Variants in ANK2 observed in about 807,000 individuals in gnomAD.
The protein encoded by ANK2 is ankyrin-2.
In ANK2, 83 loss-of-function variants were observed where a neutral mutation model predicts 360.5. The ratio of observed to expected loss-of-function variants is 0.23; its 90% CI spans 0.19 to 0.28. The LOEUF is 0.28. Ranked by LOEUF, ANK2 falls within the 10% of genes least tolerant of loss-of-function variation. ANK2 has a pLI of 1.00. For synonymous variants in ANK2, 1,740 were observed against 1,759.5 expected (o/e 0.99, Z 0.28); for missense variants, 4,201 against 4,795.7 (o/e 0.88, Z 3.66).
intron 4 of ANK2, among the ~76,000 whole-genome samples, chr4:113,212,270 T>C (rs1172668390): frequency 6.6e-6 from 1 of 152,212 alleles, no homozygotes; most frequent in Non-Finnish European, 1.5e-5. Context: ...CAATTACTAA[T>C]AACTTTTTTT....
intron 1 of ANK2, among the ~76,000 whole-genome samples, chr4:113,090,730 C>T (rs572380313): frequency 1.3e-5 from 2 of 152,260 alleles, no homozygotes; most frequent in African/African-American, 2.4e-5. Flanking sequence ...ATTCTAGCTT[C>T]GTGATAAAAG....
chr4:113,330,905 A>T (rs2092279672), intron 27 of ANK2, among the ~76,000 whole-genome samples: 1 of 152,242 alleles, frequency 6.6e-6, no homozygotes, highest in Admixed American at 6.5e-5. Context: ...GCCTTTACAG[A>T]ATACCTACAA....
At position 113,355,879 on chromosome 4, in the gene ANK2, C is replaced by T. The variant is rs755966886; in HGVS notation, c.7261C>T (p.Leu2421Phe). The change falls in exon 38 of 46, where the codon CTC becomes TTC. Residue 2421 changes from leucine (L) to phenylalanine (F), a missense_variant. By Grantham distance (22) the Leu-to-Phe change is conservative (BLOSUM62 0). Coordinates refer to ENST00000357077, the MANE Select transcript of ANK2 (RefSeq NM_001148.6). The stretch of plus-strand genomic sequence containing the variant: ...ACTCCCTAGCCGAGATAGCGAAGTC[C>T]TCAGCGCTGTGGCTGATGACTCATT... ...LALPSRDSEV[L>F]SAVADDSLAV... The T allele has an allele frequency of 6.2e-7, 1 of 1,613,958 alleles. No homozygotes were observed. The highest frequency in any genetic ancestry group is 1.3e-5 in the African/African-American group (1 of 74,926).
At chr4:113,280,053 T>C (rs926846044) in intron 17 of ANK2, among the ~76,000 whole-genome samples, 1 of 152,180 alleles carries the variant, frequency 6.6e-6, no homozygotes, top group Admixed American at 6.6e-5. Context: ...AAAATATACC[T>C]GCTCACTTAA....
chr4:112,926,754 C>T (rs1338063370), intron 2 of ANK2, among the ~76,000 whole-genome samples: 2 of 152,186 alleles, frequency 1.3e-5, no homozygotes, highest in African/African-American at 4.8e-5. Context: ...TAATCCCAAA[C>T]ATTAAATTTT....
intron 1 of ANK2, among the ~76,000 whole-genome samples, chr4:113,163,964 T>C (rs2097658712): frequency 6.6e-6 from 1 of 152,122 alleles, no homozygotes; most frequent in East Asian, 1.9e-4. Flanking sequence ...ATAGTCATTC[T>C]CCATTTCTCT....
At chr4:112,771,123 T>G in the ANK2 span, among the ~76,000 whole-genome samples, 54,945 of 152,096 alleles carry the variant, frequency 0.36, 10,231 homozygotes, top group East Asian at 0.62. Flanking sequence ...TTTATTATTT[T>G]TTTTTCACGA....
chr4:113,275,147 A>G (rs919424366), intron 15 of ANK2, among the ~76,000 whole-genome samples: 1 of 152,160 alleles, frequency 6.6e-6, no homozygotes, highest in Non-Finnish European at 1.5e-5. Flanking sequence ...TTAGTTTCCA[A>G]CTTTACCAAC....
the ANK2 span, chr4:112,738,776 G>C: frequency 1.6e-6 from 1 of 622,282 alleles, no homozygotes; most frequent in South Asian, 1.4e-5. Flanking sequence ...AGCGTAACTG[G>C]TGGAAACCCA....
chr4:113,124,341 C>T (rs1209551317), intron 1 of ANK2, among the ~76,000 whole-genome samples: 2 of 152,164 alleles, frequency 1.3e-5, no homozygotes, highest in Non-Finnish European at 2.9e-5. Flanking sequence ...TTTGATAGAT[C>T]TTTTCAAAAT....
At chr4:112,855,322 C>G (rs912498723) in intron 1 of ANK2, among the ~76,000 whole-genome samples, 1 of 152,190 alleles carries the variant, frequency 6.6e-6, no homozygotes, top group African/African-American at 2.4e-5. Context: ...CACTTCTGCT[C>G]TATTGTCTTT....
At chr4:113,196,492 T>C (rs563299702) in intron 3 of ANK2, 26 bp downstream of exon 3, 1 of 1,584,648 alleles carries the variant, frequency 6.3e-7, no homozygotes, top group African/African-American at 1.3e-5. Flanking sequence ...GTAGAACATT[T>C]TTTTCCTTAG....
At chr4:113,186,557 C>CGT (rs1402375112) in intron 2 of ANK2, among the ~76,000 whole-genome samples, 3 of 95,904 alleles carry the variant, frequency 3.1e-5, no homozygotes, top group Admixed American at 9.1e-5. Flanking sequence ...GATATCTTCC[C>CGT]GTGTCTCTCT....
chr4:113,176,769 T>A (rs1392059685), intron 2 of ANK2, among the ~76,000 whole-genome samples: 4 of 152,080 alleles, frequency 2.6e-5, no homozygotes, highest in East Asian at 1.9e-4. Flanking sequence ...CCTAACGCTA[T>A]CCCTCGCTCC....
At position 113,355,775 on chromosome 4, in the gene ANK2, A is replaced by C; in HGVS notation, c.7157A>C (p.Glu2386Ala). The C allele has an allele frequency of 1.9e-6, 3 of 1,614,100 alleles. No individual in the cohort carries two copies. The highest frequency in any genetic ancestry group is 2.5e-6 in the Non-Finnish European group (3 of 1,179,984). ...SDETKALPLP[E>A]ASVKTDTGTE... ...GAGACAAAGGCCTTGCCGCTGCCTG[A>C]GGCTTCTGTAAAGACAGATACAGGA... Residue 2386 changes from glutamate (E) to alanine (A), a missense_variant, in exon 38 of 46, where the codon GAG becomes GCG. Around this residue, in one of 4 missense-constraint regions of ANK2, gnomAD observed 2,642 missense variants for 2,714.5 expected, o/e 0.97. Transcript: ENST00000357077.
the ANK2 span, among the ~76,000 whole-genome samples, chr4:112,712,313 CA>C: frequency 6.6e-6 from 1 of 150,384 alleles, no homozygotes. Context: ...CTTCTAACCT[CA>C]GGTGATCCAC....
In ANK2 at chr4:113,132,853, C is replaced by T. The variant is rs992394181; in HGVS notation, c.85-41563C>T. Among the ~76,000 whole-genome samples, 15 of 152,232 alleles carry T rather than the reference C, an allele frequency of 9.9e-5. No homozygotes were observed. The East Asian group carries it at 2.9e-3, about 29-fold the overall frequency. On this transcript the variant is annotated intron_variant, in intron 1 of 45. Transcript: ENST00000357077. ...GGGCTGATCATTTGTTCTTGGCCAT[C>T]ATGATACTACCTGCTGATATTGATT...
chr4:112,708,217 T>C, the ANK2 span, among the ~76,000 whole-genome samples: 4 of 152,360 alleles, frequency 2.6e-5, no homozygotes, highest in African/African-American at 9.6e-5. Flanking sequence ...GTATTTTAAC[T>C]GTGTCACTGT....
At chr4:112,742,378 A>G in the ANK2 span, among the ~76,000 whole-genome samples, 1 of 149,922 alleles carries the variant, frequency 6.7e-6, no homozygotes, top group Non-Finnish European at 1.5e-5. Context: ...AGTGTCTTCA[A>G]ACTTTTCACT....
Sources: gnomAD v4.1 joint callset for allele counts (sites outside exome capture counted in the v4.1 genomes callset) on GRCh38, gnomAD v4.1.1 for gene constraint, gnomAD v4.1.1 regional missense constraint, MANE v1.5 for transcripts, NCBI Gene and HGNC (gene_info 2026-07-23, HGNC 2026-07-21) for gene names.